The following SDK1 variants were observed in gnomAD, a reference collection of about 807,000 sequenced individuals.
The protein encoded by SDK1 is sidekick cell adhesion molecule 1, also known as protein sidekick-1.
Under a neutral mutation model 245.5 loss-of-function variants are expected in SDK1, and 157 were observed. The ratio of observed to expected loss-of-function variants is 0.64; its 90% confidence interval spans 0.56 to 0.73. SDK1 has a LOEUF of 0.73. Among genes scored for constraint, SDK1 ranks in the 30% least tolerant of loss-of-function variants. The probability of loss-of-function intolerance (pLI) is 0.00; values close to 1 mark genes in which losing one functional copy is unlikely to be tolerated. For missense variants in SDK1, 3,583 were observed against 3,002.3 expected, an observed-to-expected ratio of 1.19 and a Z score of -4.52; for synonymous variants, 1,647 against 1,278.5, an observed-to-expected ratio of 1.29 and a Z score of -6.15.
chr7:3,985,524 T>G (rs1273082958), intron 13 of SDK1, among the ~76,000 whole-genome samples: 4 of 152,170 alleles, frequency 2.6e-5, no homozygotes, highest in Admixed American at 2.6e-4. Flanking sequence ...CAGTGGCTCA[T>G]GCTTATAATC....
chr7:3,733,484 G>A (rs1002733567), intron 4 of SDK1, among the ~76,000 whole-genome samples: 1 of 152,210 alleles, frequency 6.6e-6, no homozygotes, highest in Non-Finnish European at 1.5e-5. Context: ...AGGGCTGGAA[G>A]TTACAAGTTG....
chr7:3,407,107 CAG>C (rs1779075734), intron 1 of SDK1, among the ~76,000 whole-genome samples: 1 of 152,132 alleles, frequency 6.6e-6, no homozygotes, highest in Admixed American at 6.5e-5. Context: ...AAACAAATAA[CAG>C]AGACAAGGGC....
At chr7:4,063,124 AATAAAAGGC>A (rs1472223684) in intron 19 of SDK1, among the ~76,000 whole-genome samples, 1 of 152,200 alleles carries the variant, frequency 6.6e-6, no homozygotes, top group Non-Finnish European at 1.5e-5. Flanking sequence ...AAAAGAAAGG[AATAAAAGGC>A]ATCTAAATTG....
intron 1 of SDK1, among the ~76,000 whole-genome samples, chr7:3,538,483 A>G (rs1315374320): frequency 6.6e-6 from 1 of 152,280 alleles, no homozygotes; most frequent in East Asian, 1.9e-4. Flanking sequence ...TTTACCGTGA[A>G]TCAATGTCAT....
Position 4,162,366 on chromosome 7 carries a change from GTTGTTATTATTA to G in SDK1, c.4800+513_4800+524del, listed in dbSNP as rs1221294292. On this transcript the variant is annotated intron_variant, in intron 32 of 44. Coordinates refer to ENST00000404826, the MANE Select transcript of SDK1 (RefSeq NM_152744.4). ...GGTGGTGGTGGTGGTGGTTGTTGTT[GTTGTTATTATTA>G]TTATTATTATTATTATTATTATTAT... Among the ~76,000 whole-genome samples, 276 of 108,996 alleles carry G rather than the reference GTTGTTATTATTA, an allele frequency of 2.5e-3. 2 individuals are homozygous for G. Among genetic ancestry groups the G allele is most frequent in the African/African-American group, 9.1e-3 (264 of 29,090 alleles). 71.5% of individuals were successfully genotyped at this position (108,996 alleles called of 152,430 possible).
At chr7:4,175,272 C>A (rs889194494) in intron 33 of SDK1, among the ~76,000 whole-genome samples, 2 of 152,224 alleles carry the variant, frequency 1.3e-5, no homozygotes, top group South Asian at 2.1e-4. Flanking sequence ...CCCTTGCTGA[C>A]CACCAGACAG....
chr7:3,370,143 G>A (rs146898881), intron 1 of SDK1, among the ~76,000 whole-genome samples: 2 of 152,346 alleles, frequency 1.3e-5, no homozygotes, highest in Middle Eastern at 3.4e-3. Context: ...CATATGACTT[G>A]AGAGAGTATG....
At chr7:3,320,337 G>A (rs1369079167) in intron 1 of SDK1, among the ~76,000 whole-genome samples, 1 of 151,808 alleles carries the variant, frequency 6.6e-6, no homozygotes, top group Non-Finnish European at 1.5e-5. Flanking sequence ...GAACTGTGGA[G>A]ATAGCCACAA....
chr7:3,917,148 T>TAC (rs1779413299), intron 5 of SDK1, among the ~76,000 whole-genome samples: 1 of 152,252 alleles, frequency 6.6e-6, no homozygotes, highest in South Asian at 2.1e-4. Context: ...TCATGGAGCA[T>TAC]ACACCTTCAA....
chr7:3,673,190 C>G (rs186469560), intron 4 of SDK1, among the ~76,000 whole-genome samples: 1 of 152,234 alleles, frequency 6.6e-6, no homozygotes, highest in Non-Finnish European at 1.5e-5. Flanking sequence ...CTGCAATACT[C>G]TCATCCTACA....
intron 1 of SDK1, among the ~76,000 whole-genome samples, chr7:3,578,542 T>C (rs1780377039): frequency 6.6e-6 from 1 of 152,010 alleles, no homozygotes; most frequent in South Asian, 2.1e-4. Flanking sequence ...CTGAGAGTAC[T>C]GCAGGAGACC....
At position 3,321,175 on chromosome 7, in the gene SDK1, C is replaced by T. The variant is rs142601604; in HGVS notation, c.298+19291C>T. On this transcript the variant is annotated intron_variant, in intron 1 of 44. Transcript: ENST00000404826. ...ATAAAATCTTTTTGAAACTAAAAAT[C>T]CTTTAAAAAATTCACAAGCAAGATG... Among the ~76,000 whole-genome samples the T allele has an allele frequency of 8.9e-3, 1,352 of 152,220 alleles. 17 individuals are homozygous for T. Among genetic ancestry groups the T allele is most frequent in the African/African-American group, 0.031 (1,283 of 41,536 alleles).
chr7:4,044,686 CCTCCCACCCCAGACT>C (rs1387365370), intron 17 of SDK1, among the ~76,000 whole-genome samples: 1 of 152,092 alleles, frequency 6.6e-6, no homozygotes, highest in Non-Finnish European at 1.5e-5. Context: ...CTCAAGCGAT[CCTCCCACCCCAGACT>C]CCCAAAGTGT....
Position 3,319,878 on chromosome 7 carries a change from C to CTTTTTTTTTTTTTTTTTT in SDK1, c.298+18011_298+18012insTTTTTTTTTTTTTTTTTT, listed in dbSNP as rs57770805. ...TGCCTATATCTAACCCATTCTTAGT[C>CTTTTTTTTTTTTTTTTTT]TTTTTTTTTTTTTTTTTGCATTTGC... is the stretch of plus-strand genomic sequence containing the variant. On this transcript the variant is annotated intron_variant, in intron 1 of 44. Transcript: ENST00000404826. 1.0e-3 allele frequency among the ~76,000 whole-genome samples: 88 copies of CTTTTTTTTTTTTTTTTTT among 88,082 alleles called. 5 individuals are homozygous for CTTTTTTTTTTTTTTTTTT. The highest frequency in any genetic ancestry group is 6.5e-3 in the Middle Eastern group (1 of 154). 57.8% of individuals were successfully genotyped at this position (88,082 alleles called of 152,430 possible). A position where few individuals can be genotyped will look rare whatever the true frequency, so the allele number is the denominator to read the frequency against.
chr7:4,052,262 T>C (rs1778911357), intron 19 of SDK1, among the ~76,000 whole-genome samples: 3 of 150,448 alleles, frequency 2.0e-5, no homozygotes, highest in Non-Finnish European at 4.4e-5. Context: ...TGAGTTTGCA[T>C]TACCTCCATC....
chr7:3,774,877 T>C (rs775231407), intron 4 of SDK1, among the ~76,000 whole-genome samples: 1 of 152,204 alleles, frequency 6.6e-6, no homozygotes, highest in South Asian at 2.1e-4. Flanking sequence ...CTACTTCTAA[T>C]TGGGACTGTT....
chr7:3,318,941 G>T (rs1291763196), intron 1 of SDK1, among the ~76,000 whole-genome samples: 1 of 152,100 alleles, frequency 6.6e-6, no homozygotes, highest in Admixed American at 6.6e-5. Flanking sequence ...GATGGTACCT[G>T]GCAGACGGGA....
intron 5 of SDK1, among the ~76,000 whole-genome samples, chr7:3,948,418 C>G (rs1285582449): frequency 1.3e-5 from 2 of 152,054 alleles, no homozygotes; most frequent in Admixed American, 6.5e-5. Context: ...CCACCACACC[C>G]AGCTAATTTG....
chr7:3,361,584 G>C (rs1189780634), intron 1 of SDK1, among the ~76,000 whole-genome samples: 2 of 152,042 alleles, frequency 1.3e-5, no homozygotes, highest in East Asian at 3.9e-4. Flanking sequence ...TCCCTCGTTG[G>C]TTTATTTTTT....
Sources: gnomAD v4.1 joint callset for allele counts (sites outside exome capture counted in the v4.1 genomes callset) on GRCh38, gnomAD v4.1.1 for gene constraint, MANE v1.5 for transcripts, NCBI Gene and HGNC (gene_info 2026-07-23, HGNC 2026-07-21) for gene names.